TMEM132C: variants seen among roughly 807,000 people sequenced by gnomAD.
TMEM132C encodes protein phosphatase 1, regulatory subunit 152.
TMEM132C carries 29 observed loss-of-function variants against 61.4 expected under a neutral mutation model. The ratio of observed to expected loss-of-function variants is 0.47; its 90% CI spans 0.35 to 0.64. The LOEUF is 0.64. Ranked by LOEUF, TMEM132C falls within the 30% of genes least tolerant of loss-of-function variation. The probability of loss-of-function intolerance (pLI) is 0.00; values close to 1 mark genes in which losing one functional copy is unlikely to be tolerated. For synonymous variants in TMEM132C, 656 were observed against 633.1 expected (o/e 1.04, Z -0.54); for missense variants, 1,408 against 1,476.9 (o/e 0.95, Z 0.76).
chr12:128,401,656 G>C (rs541117486), intron 1 of TMEM132C, among the ~76,000 whole-genome samples: 3 of 152,300 alleles, frequency 2.0e-5, no homozygotes, highest in African/African-American at 7.2e-5. Context: ...ACAGTATGTG[G>C]AATCATTGCC....
intron 2 of TMEM132C, among the ~76,000 whole-genome samples, chr12:128,456,052 G>A (rs1870328407): frequency 6.6e-6 from 1 of 152,182 alleles, no homozygotes; most frequent in African/African-American, 2.4e-5. Flanking sequence ...TTGGGATGAT[G>A]TGTTGAGGAG....
chr12:128,307,289 GA>G (rs1164282139), intron 1 of TMEM132C, among the ~76,000 whole-genome samples: 1 of 152,186 alleles, frequency 6.6e-6, no homozygotes, highest in East Asian at 1.9e-4. Context: ...CATGAAGGGA[GA>G]AAGGATGTTG....
intron 3 of TMEM132C, among the ~76,000 whole-genome samples, chr12:128,550,976 T>C (rs1369361547): frequency 6.6e-6 from 1 of 152,162 alleles, no homozygotes; most frequent in African/African-American, 2.4e-5. Flanking sequence ...ATGGACACGG[T>C]TGGACTCAGA....
chr12:128,541,461 G>A (rs1208421011), intron 2 of TMEM132C, among the ~76,000 whole-genome samples: 2 of 152,118 alleles, frequency 1.3e-5, no homozygotes. Context: ...TCTTGCCTTG[G>A]TCTTTCTGGT....
chr12:128,536,282 A>C (rs1011800695), intron 2 of TMEM132C, among the ~76,000 whole-genome samples: 3 of 152,174 alleles, frequency 2.0e-5, no homozygotes, highest in Non-Finnish European at 2.9e-5. Flanking sequence ...TGAGCAAACT[A>C]TCGCAAGGAC....
chr12:128,568,746 C>T (rs537787447), intron 3 of TMEM132C, among the ~76,000 whole-genome samples: 56 of 152,204 alleles, frequency 3.7e-4, no homozygotes, highest in Non-Finnish European at 7.6e-4. Flanking sequence ...GTGAGGTGGA[C>T]GCACAAAACA....
At chr12:128,435,499 A>G (rs1270692704) in intron 2 of TMEM132C, among the ~76,000 whole-genome samples, 3 of 152,198 alleles carry the variant, frequency 2.0e-5, no homozygotes, top group Non-Finnish European at 4.4e-5. Context: ...ATTCTTATAC[A>G]CCAATAACAG....
In TMEM132C at chr12:128,267,291, C is replaced by G; in HGVS notation, c.-112C>G. 10 of 650,836 alleles carry G rather than the reference C, an allele frequency of 1.5e-5. No individual in the cohort carries two copies. Among genetic ancestry groups the G allele is most frequent in the Non-Finnish European group, 1.9e-5 (10 of 525,998 alleles). 40.3% of individuals were successfully genotyped at this position (650,836 alleles called of 1,614,324 possible). A position where few individuals can be genotyped will look rare whatever the true frequency, so the allele number is the denominator to read the frequency against. On this transcript the variant is annotated 5_prime_UTR_variant, in exon 1 of 9. Transcript: ENST00000435159. The stretch of plus-strand genomic sequence containing the variant: ...CTCGGACAGCAGAGACGCAGCGGGC[C>G]CGGCCGACCGGGCTGCGGGAGTGGC...
At chr12:128,571,187 C>G (rs11059770) in intron 3 of TMEM132C, among the ~76,000 whole-genome samples, 18,383 of 152,222 alleles carry the variant, frequency 0.12, 1,184 homozygotes, top group Middle Eastern at 0.15. Context: ...TGGAAACTCT[C>G]TGTGTCCTTG....
chr12:128,645,997 A>C (rs1046030388), intron 4 of TMEM132C, among the ~76,000 whole-genome samples: 1 of 151,530 alleles, frequency 6.6e-6, no homozygotes, highest in Non-Finnish European at 1.5e-5. Context: ...ACTGGAGTCC[A>C]TCAGTGTTGG....
chr12:128,695,708 A>G (rs370616231), intron 6 of TMEM132C, 122 bp from the exon 7 acceptor site: 50 of 1,096,404 alleles, frequency 4.6e-5, no homozygotes, highest in Middle Eastern at 6.3e-4. Context: ...TGCCCCTTGC[A>G]TGGTCCTGGC....
intron 5 of TMEM132C, among the ~76,000 whole-genome samples, chr12:128,675,983 A>G (rs1954583134): frequency 6.6e-6 from 1 of 152,240 alleles, no homozygotes; most frequent in African/African-American, 2.4e-5. Context: ...TTTCCTAAGA[A>G]TAAGAATATT....
chr12:128,343,631 C>G (rs1873051282), intron 1 of TMEM132C, among the ~76,000 whole-genome samples: 1 of 151,978 alleles, frequency 6.6e-6, no homozygotes, highest in South Asian at 2.1e-4. Context: ...ATAAAATTAA[C>G]CCTTTTAAAG....
At chr12:128,578,739 A>G (rs2135558167) in intron 3 of TMEM132C, among the ~76,000 whole-genome samples, 1 of 152,152 alleles carries the variant, frequency 6.6e-6, no homozygotes, top group East Asian at 1.9e-4. Flanking sequence ...CTGGGATCAC[A>G]GGTACCTGCC....
chr12:128,672,051 G>A (rs1043205730), intron 5 of TMEM132C, among the ~76,000 whole-genome samples: 2 of 151,900 alleles, frequency 1.3e-5, no homozygotes, highest in African/African-American at 2.4e-5. Context: ...TTGTAATAAT[G>A]CATTGTGTTT....
At chr12:128,659,846 G>C (rs1414538727) in intron 4 of TMEM132C, among the ~76,000 whole-genome samples, 2 of 152,198 alleles carry the variant, frequency 1.3e-5, no homozygotes, top group Non-Finnish European at 2.9e-5. Flanking sequence ...CAGGCCCTCA[G>C]GGCCACTCGT....
At chr12:128,334,920 A>G (rs1466769118) in intron 1 of TMEM132C, among the ~76,000 whole-genome samples, 1 of 152,214 alleles carries the variant, frequency 6.6e-6, no homozygotes, top group Non-Finnish European at 1.5e-5. Context: ...TAGTGCACAT[A>G]GCTAAGGCTA....
chr12:128,328,880 G>A (rs906118678), intron 1 of TMEM132C, among the ~76,000 whole-genome samples: 2 of 151,764 alleles, frequency 1.3e-5, no homozygotes, highest in African/African-American at 4.8e-5. Context: ...TTATAAAGTA[G>A]CTAAGGTTGT....
At chr12:128,464,770 A>AAGAG (rs1357425231) in intron 2 of TMEM132C, among the ~76,000 whole-genome samples, 2 of 105,558 alleles carry the variant, frequency 1.9e-5, no homozygotes, top group African/African-American at 8.3e-5. Flanking sequence ...GTCAGAAAGA[A>AAGAG]AGAAAGAAAG....
Sources: gnomAD v4.1 joint callset for allele counts (sites outside exome capture counted in the v4.1 genomes callset) on GRCh38, gnomAD v4.1.1 for gene constraint, MANE v1.5 for transcripts, NCBI Gene and HGNC (gene_info 2026-07-23, HGNC 2026-07-21) for gene names.